The following PDE6A variants were observed in gnomAD, a reference collection of about 807,000 sequenced individuals.
PDE6A encodes phosphodiesterase 6A.
Under a neutral mutation model 106.3 loss-of-function variants are expected in PDE6A, and 84 were observed. The ratio of observed to expected loss-of-function variants is 0.79; its 90% confidence interval spans 0.66 to 0.95. The LOEUF is 0.95. Among genes scored for constraint, PDE6A ranks in the 40% least tolerant of loss-of-function variants. The pLI is 0.00. For missense variants in PDE6A, 1,052 were observed against 1,084.9 expected, an observed-to-expected ratio of 0.97 and a Z score of 0.43; for synonymous variants, 394 against 386.6, an observed-to-expected ratio of 1.02 and a Z score of -0.23.
At chr5:149,871,207 G>A (rs567930454) in intron 17 of PDE6A, among the ~76,000 whole-genome samples, 39 of 152,280 alleles carry the variant, frequency 2.6e-4, no homozygotes, top group Admixed American at 2.0e-4. Flanking sequence ...TGGGGTCATG[G>A]GCTTCATCAC....
In PDE6A at chr5:149,931,202, G is replaced by T. The variant is rs767076922; in HGVS notation, c.718-34C>A. ...ACACAAAAACATATTCATAGGTTTT[G>T]AGGTGCAAAGTAGTAGCTCACTTAG... On this transcript the variant is annotated intron_variant, in intron 3 of 21. Coordinates refer to ENST00000255266, the MANE Select transcript of PDE6A (RefSeq NM_000440.3). The T allele has an allele frequency of 2.5e-6, 4 of 1,610,428 alleles. No homozygotes were observed. In the South Asian group the frequency reaches 4.4e-5, roughly 18 times the overall value.
intron 17 of PDE6A, among the ~76,000 whole-genome samples, chr5:149,873,175 G>T: frequency 6.6e-6 from 1 of 152,222 alleles, no homozygotes; most frequent in East Asian, 1.9e-4. Context: ...AATATAATTT[G>T]TATTTACTTA....
chr5:149,863,088 G>T lies in PDE6A; in HGVS notation c.2506+31C>A. On this transcript the variant is annotated intron_variant, in intron 21 of 21. Transcript: ENST00000255266. The surrounding 1 kb of genome is among the most constrained non-coding windows in gnomAD (Gnocchi z 4.7). ...CACTGAGTGCTCAGGGAGTGGGGTG[G>T]TGGGAGTCCCTGCTTCCCCCTTCCA... The T allele has an allele frequency of 6.2e-7, 1 of 1,613,952 alleles. No individual in the cohort carries two copies. Among genetic ancestry groups the T allele is most frequent in the East Asian group, 2.2e-5 (1 of 44,868 alleles).
At chr5:149,917,035 A>ATT (rs1411404700) in intron 5 of PDE6A, among the ~76,000 whole-genome samples, 3 of 150,800 alleles carry the variant, frequency 2.0e-5, no homozygotes, top group Admixed American at 6.6e-5. Context: ...GTTTAATTGA[A>ATT]TAAAAGGGGA....
chr5:149,940,332 G>A (rs1754292955), intron 1 of PDE6A, among the ~76,000 whole-genome samples: 1 of 152,176 alleles, frequency 6.6e-6, no homozygotes, highest in Non-Finnish European at 1.5e-5. Flanking sequence ...AGTTGGATGA[G>A]TCCTCCGGAA....
intron 17 of PDE6A, among the ~76,000 whole-genome samples, chr5:149,881,359 C>T (rs115894355): frequency 0.019 from 2,912 of 152,136 alleles, 37 homozygotes; most frequent in Middle Eastern, 0.061. Flanking sequence ...TGCTCATCAA[C>T]GGTGGATTAG....
At chr5:149,936,450 C>G (rs1017624101) in intron 1 of PDE6A, among the ~76,000 whole-genome samples, 1 of 152,194 alleles carries the variant, frequency 6.6e-6, no homozygotes, top group Admixed American at 6.5e-5. Context: ...GAGCACGTGT[C>G]TAGGTGGAGT....
intron 17 of PDE6A, among the ~76,000 whole-genome samples, chr5:149,871,641 C>T (rs1760557514): frequency 6.6e-6 from 1 of 152,072 alleles, no homozygotes; most frequent in Non-Finnish European, 1.5e-5. Flanking sequence ...AGAGAAGCTC[C>T]ACAGAGGAGC....
At chr5:149,918,664 T>G (rs1753622162) in intron 5 of PDE6A, among the ~76,000 whole-genome samples, 1 of 152,180 alleles carries the variant, frequency 6.6e-6, no homozygotes, top group Admixed American at 6.5e-5. Context: ...CAGGCTGGAG[T>G]GCAGTGGCAC....
rs530845213 is a variant in PDE6A, at chr5:149,921,551, C to T, written c.933+84G>A. 84 of 1,048,400 alleles carry T rather than the reference C, an allele frequency of 8.0e-5. No individual in the cohort carries two copies. In the Admixed American group the frequency reaches 1.5e-3, roughly 19 times the overall value. 64.9% of individuals were successfully genotyped at this position (1,048,400 alleles called of 1,614,324 possible). On this transcript the variant is annotated intron_variant, in intron 5 of 21. Coordinates refer to ENST00000255266, the MANE Select transcript of PDE6A (RefSeq NM_000440.3). ...CAACGCAAAGACAAATACCTATATG[C>T]TAATAAAAAATCCTTTAACAGGGTT...
chr5:149,871,521 A>G (rs1398551341), intron 17 of PDE6A, among the ~76,000 whole-genome samples: 1 of 151,690 alleles, frequency 6.6e-6, no homozygotes, highest in Non-Finnish European at 1.5e-5. Context: ...AGTGGGAGAA[A>G]CACATTCCAG....
chr5:149,921,386 G>T lies in PDE6A; in HGVS notation c.933+249C>A, dbSNP rs190627102. Among the ~76,000 whole-genome samples, 9 of 152,164 alleles carry T rather than the reference G, an allele frequency of 5.9e-5. No homozygotes were observed. In the East Asian group the frequency reaches 1.5e-3, roughly 26 times the overall value. On this transcript the variant is annotated intron_variant, in intron 5 of 21. Transcript: ENST00000255266. ...AGGAAGACCACTTTGCAAATGTTAG[G>T]GATGTTAGGGCATGACAATTATGAG...
intron 4 of PDE6A, among the ~76,000 whole-genome samples, chr5:149,928,927 T>C (rs1753947366): frequency 6.6e-6 from 1 of 152,228 alleles, no homozygotes; most frequent in Non-Finnish European, 1.5e-5. Flanking sequence ...TAGGGGAATT[T>C]ATGTTGATAA....
chr5:149,923,508 CAT>C (rs1216213012), intron 4 of PDE6A, among the ~76,000 whole-genome samples: 1 of 168 alleles, frequency 6.0e-3, no homozygotes, highest in Non-Finnish European at 0.024. Flanking sequence ...AAATAAATAA[CAT>C]AACATAACAT....
At chr5:149,888,073 G>T (rs1263048920) in intron 13 of PDE6A, among the ~76,000 whole-genome samples, 2 of 152,152 alleles carry the variant, frequency 1.3e-5, no homozygotes, top group African/African-American at 4.8e-5. Context: ...GGAGGTCAAG[G>T]CTGCAGTGAG....
intron 20 of PDE6A, among the ~76,000 whole-genome samples, chr5:149,865,875 A>G (rs1404126106): frequency 6.6e-6 from 1 of 152,228 alleles, no homozygotes; most frequent in Non-Finnish European, 1.5e-5. Context: ...CCAGCTAGGG[A>G]ACTTAGAAGG....
chr5:149,907,441 A>G, intron 6 of PDE6A, 63 bp from the exon 7 acceptor site: 1 of 1,389,524 alleles, frequency 7.2e-7, no homozygotes, highest in Non-Finnish European at 1.0e-6. Context: ...AAAGACTAAA[A>G]TCTGGGTGTT....
Position 149,930,923 on chromosome 5 carries a change from C to T in PDE6A, c.858+105G>A, listed in dbSNP as rs1754014404. On this transcript the variant is annotated intron_variant, in intron 4 of 21. Coordinates refer to ENST00000255266, the MANE Select transcript of PDE6A (RefSeq NM_000440.3). Reference sequence around the variant, plus strand: ...GACTTTCTACAACCATCCCAATTCACCCAGCCTCTTCCCCCGTGCAATTGA... The same window carrying T: ...GACTTTCTACAACCATCCCAATTCATCCAGCCTCTTCCCCCGTGCAATTGA... 4.2e-6 allele frequency: 5 copies of T among 1,189,376 alleles called. No homozygotes were observed. The East Asian group carries it at 1.2e-4, about 28-fold the overall frequency. 73.7% of individuals were successfully genotyped at this position (1,189,376 alleles called of 1,614,324 possible). A position where few individuals can be genotyped will look rare whatever the true frequency, so the allele number is the denominator to read the frequency against.
intron 5 of PDE6A, 114 bp from the exon 6 acceptor site, chr5:149,915,121 A>G (rs1753512105): frequency 1.6e-6 from 1 of 634,946 alleles, no homozygotes; most frequent in Non-Finnish European, 2.7e-6. Flanking sequence ...TGCAACCTCC[A>G]TCTCCTGCGT....
Sources: gnomAD v4.1 joint callset for allele counts (sites outside exome capture counted in the v4.1 genomes callset) on GRCh38, gnomAD v4.1.1 for gene constraint, Gnocchi (gnomAD v3.1) non-coding constraint, MANE v1.5 for transcripts, NCBI Gene and HGNC (gene_info 2026-07-23, HGNC 2026-07-21) for gene names.